ROBO2: variants seen among roughly 807,000 people sequenced by gnomAD.
The protein encoded by ROBO2 is roundabout homolog 2.
A neutral mutation model predicts 160.8 loss-of-function variants in ROBO2; 53 were observed. That is an observed-to-expected ratio of 0.33 (90% CI 0.26 to 0.41). The LOEUF (loss-of-function observed/expected upper bound fraction) is 0.41. Among genes scored for constraint, ROBO2 ranks in the 10% least tolerant of loss-of-function variants. ROBO2 has a pLI of 1.00. For missense variants in ROBO2, 1,577 were observed against 1,722.4 expected (o/e 0.92, Z 1.49); for synonymous variants, 664 against 611.7 (o/e 1.09, Z -1.26).
intron 2 of ROBO2, among the ~76,000 whole-genome samples, chr3:76,531,444 A>C (rs1474634350): frequency 1.3e-5 from 2 of 152,108 alleles, no homozygotes; most frequent in African/African-American, 2.4e-5. Flanking sequence ...ATTCTTTAGA[A>C]GATATAAATA....
intron 2 of ROBO2, among the ~76,000 whole-genome samples, chr3:76,498,814 G>C (rs2080302962): frequency 6.6e-6 from 1 of 151,362 alleles, no homozygotes; most frequent in East Asian, 2.0e-4. Flanking sequence ...TCAGCCTCCT[G>C]AATAGCTGGG....
chr3:76,940,979 A>G (rs1240267524), intron 2 of ROBO2, among the ~76,000 whole-genome samples: 1 of 152,184 alleles, frequency 6.6e-6, no homozygotes, highest in African/African-American at 2.4e-5. Context: ...ATTTAAATTG[A>G]AGCCTTGATA....
chr3:77,481,057 CT>C (rs1582324701), intron 3 of ROBO2, 41 bp from the exon 4 acceptor site: 2 of 1,533,798 alleles, frequency 1.3e-6, no homozygotes, highest in Admixed American at 1.7e-5. Flanking sequence ...TATTCTGTTC[CT>C]TTTTCTTCCC....
chr3:77,007,839 A>G (rs1222090550), intron 2 of ROBO2, among the ~76,000 whole-genome samples: 1 of 152,098 alleles, frequency 6.6e-6, no homozygotes, highest in Middle Eastern at 3.2e-3. Flanking sequence ...TTTAAAAATA[A>G]TTTTAATTAA....
At chr3:77,291,999 G>T (rs553720572) in intron 2 of ROBO2, among the ~76,000 whole-genome samples, 1 of 151,694 alleles carries the variant, frequency 6.6e-6, no homozygotes, top group East Asian at 1.9e-4. Flanking sequence ...GGTTAAACGG[G>T]TAAGCTGAGG....
At chr3:77,287,898 C>T (rs1014217589) in intron 2 of ROBO2, among the ~76,000 whole-genome samples, 7 of 152,062 alleles carry the variant, frequency 4.6e-5, no homozygotes, top group Non-Finnish European at 7.4e-5. Context: ...AAAATAACCA[C>T]GTACAGATTT....
intron 2 of ROBO2, among the ~76,000 whole-genome samples, chr3:76,006,234 T>A (rs1422406697): frequency 2.0e-5 from 3 of 152,154 alleles, no homozygotes; most frequent in South Asian, 2.1e-4. Context: ...GTACTGATTA[T>A]ATTTGAATTT....
intron 2 of ROBO2, among the ~76,000 whole-genome samples, chr3:76,439,461 G>C (rs1325724457): frequency 6.6e-6 from 1 of 152,118 alleles, no homozygotes; most frequent in Non-Finnish European, 1.5e-5. Context: ...GAAGATAAGA[G>C]AAGGTGCTCC....
chr3:76,414,241 A>T (rs1452660069), intron 2 of ROBO2, among the ~76,000 whole-genome samples: 1 of 152,146 alleles, frequency 6.6e-6, no homozygotes, highest in Non-Finnish European at 1.5e-5. Flanking sequence ...TATCATGCCT[A>T]TTTTGGTGCT....
intron 2 of ROBO2, chr3:77,317,117 A>G (rs1464638457): frequency 1.4e-5 from 18 of 1,264,878 alleles, no homozygotes; most frequent in Non-Finnish European, 2.1e-5. Flanking sequence ...TGGGTCACTC[A>G]GGAAGGACTT....
At chr3:76,365,455 C>T (rs972931001) in intron 2 of ROBO2, among the ~76,000 whole-genome samples, 20 of 151,990 alleles carry the variant, frequency 1.3e-4, no homozygotes, top group Admixed American at 1.2e-3. Flanking sequence ...ACATGCTTTT[C>T]GCTATGCAGA....
At chr3:77,076,315 T>A (rs1022718082) in intron 1 of ROBO2, among the ~76,000 whole-genome samples, 1 of 152,110 alleles carries the variant, frequency 6.6e-6, no homozygotes, top group African/African-American at 2.4e-5. Context: ...TTTTAGGGAT[T>A]TAATTAGACT....
At chr3:77,541,200 C>G (rs1432011461) in intron 6 of ROBO2, among the ~76,000 whole-genome samples, 1 of 152,196 alleles carries the variant, frequency 6.6e-6, no homozygotes, top group Non-Finnish European at 1.5e-5. Flanking sequence ...TGTTGCATGA[C>G]TCTCTCCATG....
chr3:77,140,091 A>G (rs1045050563), intron 2 of ROBO2, among the ~76,000 whole-genome samples: 9 of 152,212 alleles, frequency 5.9e-5, no homozygotes, highest in African/African-American at 1.9e-4. Context: ...AACTCTATAA[A>G]TGAACAATTA....
chr3:76,344,530 G>T (rs1467417131), intron 2 of ROBO2, among the ~76,000 whole-genome samples: 2 of 152,140 alleles, frequency 1.3e-5, no homozygotes, highest in Non-Finnish European at 2.9e-5. Flanking sequence ...AAACTCAGAA[G>T]TCGGGATAGG....
chr3:77,424,626 C>A (rs80167763), intron 2 of ROBO2, among the ~76,000 whole-genome samples: 6,406 of 152,224 alleles, frequency 0.042, 451 homozygotes, highest in African/African-American at 0.15. Flanking sequence ...AACTAGGCTT[C>A]CACAATTTGT....
intron 2 of ROBO2, among the ~76,000 whole-genome samples, chr3:76,637,166 T>A (rs965141816): frequency 1.3e-5 from 2 of 152,058 alleles, no homozygotes; most frequent in Admixed American, 6.6e-5. Flanking sequence ...GTTCACAACG[T>A]TCACAACAGC....
At chr3:76,630,392 G>A (rs907873026) in intron 2 of ROBO2, among the ~76,000 whole-genome samples, 22 of 152,136 alleles carry the variant, frequency 1.4e-4, no homozygotes, top group Admixed American at 5.2e-4. Flanking sequence ...TGTGCCACTT[G>A]TATTTGCTAA....
intron 2 of ROBO2, among the ~76,000 whole-genome samples, chr3:76,790,262 G>A (rs1472851168): frequency 1.3e-5 from 2 of 151,604 alleles, no homozygotes; most frequent in Admixed American, 6.6e-5. Flanking sequence ...GGATTTCTGA[G>A]TGTGATAGAA....
Sources: allele counts gnomAD v4.1 joint callset (sites outside exome capture counted in the v4.1 genomes callset), GRCh38; gene constraint gnomAD v4.1.1; transcripts MANE v1.5; gene names NCBI Gene and HGNC (gene_info 2026-07-23, HGNC 2026-07-21).